The following DOCK4 variants were observed in gnomAD, a reference collection of about 807,000 sequenced individuals.
The protein encoded by DOCK4 is dedicator of cytokinesis protein 4.
A neutral mutation model predicts 268.1 loss-of-function variants in DOCK4; 97 were observed. The observed-to-expected ratio is 0.36, with a 90% CI of 0.31 to 0.43. DOCK4 has a LOEUF of 0.43. Ranked by LOEUF, DOCK4 falls within the 20% of genes least tolerant of loss-of-function variation. The pLI, the probability that DOCK4 is intolerant of heterozygous loss-of-function variation, is 1.00. For missense variants in DOCK4, 2,145 were observed against 2,455.7 expected (o/e 0.87, Z 2.67); for synonymous variants, 954 against 887.2 (o/e 1.08, Z -1.34).
chr7:111,827,126 A>C (rs1802465429), intron 26 of DOCK4, among the ~76,000 whole-genome samples: 1 of 152,184 alleles, frequency 6.6e-6, no homozygotes, highest in Non-Finnish European at 1.5e-5. Flanking sequence ...TTTGCCATAA[A>C]TTTCAAACGT....
At chr7:111,802,110 T>G (rs1800344815) in intron 30 of DOCK4, among the ~76,000 whole-genome samples, 1 of 152,180 alleles carries the variant, frequency 6.6e-6, no homozygotes, top group African/African-American at 2.4e-5. Context: ...AACTAGCAGC[T>G]AGCATTTGCA....
At position 111,930,081 on chromosome 7, in the gene DOCK4, G is replaced by T. The variant is rs147246447; in HGVS notation, c.1066+5459C>A. ...CATTTGCTCAACAAACCTAAACCAG[G>T]CTCACATTAATGAATACTTTTAGAA... On this transcript the variant is annotated intron_variant, in intron 12 of 52. Transcript: ENST00000428084. 7.4e-3 allele frequency among the ~76,000 whole-genome samples: 1,125 copies of T among 152,124 alleles called. 7 individuals are homozygous for T. Among genetic ancestry groups the T allele is most frequent in the Middle Eastern group, 0.024 (7 of 292 alleles).
chr7:111,765,333 T>C (rs1283844298), intron 38 of DOCK4, 111 bp from the exon 39 acceptor site: 2 of 713,334 alleles, frequency 2.8e-6, no homozygotes, highest in Admixed American at 3.6e-5. Flanking sequence ...TTAATTGAGT[T>C]TGCTGGAAAG....
intron 9 of DOCK4, among the ~76,000 whole-genome samples, chr7:111,945,454 G>T (rs965119090): frequency 6.6e-6 from 1 of 152,294 alleles, no homozygotes; most frequent in East Asian, 1.9e-4. Flanking sequence ...CCAAAGTACT[G>T]GGATTATAGG....
At chr7:112,030,184 TG>T (rs1454019796) in intron 1 of DOCK4, among the ~76,000 whole-genome samples, 1 of 152,180 alleles carries the variant, frequency 6.6e-6, no homozygotes, top group East Asian at 1.9e-4. Flanking sequence ...AACTAGCATT[TG>T]GGAGTGTAAC....
chr7:111,788,749 T>C lies in DOCK4; in HGVS notation c.3316-2A>G. The C allele has an allele frequency of 6.3e-7, 1 of 1,582,542 alleles. No individual in the cohort carries two copies. The highest frequency in any genetic ancestry group is 1.2e-5 in the South Asian group (1 of 86,702). ...TTTGTCAATTAGCTTGGCTTCCACC[T>C]GAAACATACCCAACTATTATTCTCT... On this transcript the variant is annotated splice_acceptor_variant, in intron 31 of 52. Transcript: ENST00000428084. LOFTEE classifies it high-confidence loss of function.
At chr7:111,927,225 T>C (rs556968954) in intron 12 of DOCK4, among the ~76,000 whole-genome samples, 1 of 152,202 alleles carries the variant, frequency 6.6e-6, no homozygotes, top group Non-Finnish European at 1.5e-5. Flanking sequence ...ACAAATAATC[T>C]TGTGATTATA....
intron 1 of DOCK4, among the ~76,000 whole-genome samples, chr7:112,115,871 A>G (rs960600865): frequency 6.6e-6 from 1 of 152,112 alleles, no homozygotes; most frequent in African/African-American, 2.4e-5. Flanking sequence ...GTAGAGAAAG[A>G]GTCTAGCTAT....
chr7:111,746,919 GAGCCC>G (rs1796315421), intron 43 of DOCK4, among the ~76,000 whole-genome samples: 2 of 148,780 alleles, frequency 1.3e-5, no homozygotes, highest in South Asian at 4.3e-4. Flanking sequence ...GTGAGCCACT[GAGCCC>G]AGCCCAGATC....
intron 1 of DOCK4, among the ~76,000 whole-genome samples, chr7:112,158,290 T>A (rs1224327546): frequency 6.6e-6 from 1 of 152,242 alleles, no homozygotes; most frequent in African/African-American, 2.4e-5. Flanking sequence ...CTCATGGTCT[T>A]ACTTATCTCT....
chr7:112,192,468 G>A (rs539383895), intron 1 of DOCK4, among the ~76,000 whole-genome samples: 227 of 151,990 alleles, frequency 1.5e-3, no homozygotes, highest in Admixed American at 2.9e-3. Flanking sequence ...CAGGATATGA[G>A]ACACTCTTTC....
In DOCK4 at chr7:111,809,378, G is replaced by A. The variant is rs376394079; in HGVS notation, c.3030C>T (p.Leu1010=). Reference sequence around the variant, plus strand: ...ACAACTGGTTTATAAAAATGACTGCGAGGTAAAAGTAGGAATCCCAGATCT... The same window carrying A: ...ACAACTGGTTTATAAAAATGACTGCAAGGTAAAAGTAGGAATCCCAGATCT... ...DYKIWDSYFY[L]AVIFINQLCL... is the part of the protein sequence containing the mutation. The change falls in exon 29 of 53, where the codon CTC becomes CTT. Residue 1010 remains leucine (L), a synonymous_variant. Coordinates refer to ENST00000428084, the MANE Select transcript of DOCK4 (RefSeq NM_001363540.2). The A allele has an allele frequency of 1.2e-4, 192 of 1,563,542 alleles. No individual in the cohort carries two copies. The highest frequency in any genetic ancestry group is 3.7e-4 in the South Asian group (31 of 84,868).
rs1484227148 is a variant in DOCK4, at chr7:111,728,449, G to A, written c.5753C>T (p.Thr1918Ile). The change falls in exon 53 of 53, where the codon ACT becomes ATT. Residue 1918 changes from threonine to isoleucine, a missense_variant. Coordinates refer to ENST00000428084, the MANE Select transcript of DOCK4 (RefSeq NM_001363540.2). ...TPPPYSVYER[T>I]LRRPVPLPHS... is the part of the protein sequence containing the mutation. Reference sequence around the variant, plus strand: ...AGGTAGCGGGACGGGGCGCCGCAGAGTCCGCTCGTAGACGCTGTACGGGGG... The same window carrying A: ...AGGTAGCGGGACGGGGCGCCGCAGAATCCGCTCGTAGACGCTGTACGGGGG... The A allele has an allele frequency of 6.2e-7, 1 of 1,604,258 alleles. No individual in the cohort carries two copies. The highest frequency in any genetic ancestry group is 1.1e-5 in the South Asian group (1 of 89,860).
chr7:111,902,940 T>C (rs191379883), intron 13 of DOCK4, among the ~76,000 whole-genome samples: 361 of 152,258 alleles, frequency 2.4e-3, no homozygotes, highest in Non-Finnish European at 4.1e-3. Context: ...TGGCTAATCT[T>C]TTGTATTTTT....
At chr7:112,151,172 C>A (rs1483048517) in intron 1 of DOCK4, among the ~76,000 whole-genome samples, 2 of 152,088 alleles carry the variant, frequency 1.3e-5, no homozygotes, top group African/African-American at 4.8e-5. Flanking sequence ...AGGATTTGTA[C>A]CTACAGCTAG....
chr7:112,204,947 TA>T (rs1402962757), intron 1 of DOCK4, among the ~76,000 whole-genome samples: 1 of 150,834 alleles, frequency 6.6e-6, no homozygotes, highest in South Asian at 2.1e-4. Context: ...TTATAGGAAA[TA>T]AAGAGTGTTA....
At chr7:112,053,591 A>G (rs142431555) in intron 1 of DOCK4, among the ~76,000 whole-genome samples, 1 of 152,200 alleles carries the variant, frequency 6.6e-6, no homozygotes, top group Non-Finnish European at 1.5e-5. Context: ...TAGTTTTAAA[A>G]GGGCTCTTTC....
At chr7:111,841,734 A>G (rs759359265) in intron 25 of DOCK4, among the ~76,000 whole-genome samples, 2 of 152,128 alleles carry the variant, frequency 1.3e-5, no homozygotes, top group African/African-American at 2.4e-5. Flanking sequence ...TGATTTTCTT[A>G]TAATTTAGTA....
chr7:112,114,723 A>C (rs1273546238), intron 1 of DOCK4, among the ~76,000 whole-genome samples: 1 of 144,008 alleles, frequency 6.9e-6, no homozygotes, highest in East Asian at 2.3e-4. Flanking sequence ...GGACATTCTT[A>C]AGTGAAACTC....
Sources: gnomAD v4.1 joint callset for allele counts (sites outside exome capture counted in the v4.1 genomes callset) on GRCh38, gnomAD v4.1.1 for gene constraint, MANE v1.5 for transcripts, NCBI Gene and HGNC (gene_info 2026-07-23, HGNC 2026-07-21) for gene names.